The following SLC2A9 variants were observed in gnomAD, a reference collection of about 807,000 sequenced individuals.
SLC2A9 encodes solute carrier family 2 member 9.
SLC2A9 carries 39 observed loss-of-function variants against 50.6 expected under a neutral mutation model. The observed-to-expected ratio is 0.77, with a 90% CI of 0.60 to 1.01. SLC2A9 has a LOEUF of 1.01. Ranked by LOEUF, SLC2A9 falls within the 50% of genes least tolerant of loss-of-function variation. The pLI is 0.00. For missense variants in SLC2A9, 686 were observed against 677.6 expected, an observed-to-expected ratio of 1.01 and a Z score of -0.14; for synonymous variants, 324 against 276.9, an observed-to-expected ratio of 1.17 and a Z score of -1.69.
chr4:9,950,892 CAAAAAAAAAAAAAA>C lies in SLC2A9; in HGVS notation c.682-8861_682-8848del, dbSNP rs764863059. Among the ~76,000 whole-genome samples the C allele has an allele frequency of 6.9e-4, 8 of 11,546 alleles. 2 individuals carry two copies. Among genetic ancestry groups the C allele is most frequent in the African/African-American group, 9.4e-4 (3 of 3,204 alleles). The allele number at this position is 11,546 out of a possible 152,430, so 7.6% of individuals were successfully genotyped here. On this transcript the variant is annotated intron_variant, in intron 5 of 11. Transcript: ENST00000264784. ...TGGGCGACAGAGCGAGACTCCGTCTCAAAAAAAAAAAAAAAAAAAAAAAAAAAGAAAACAGTATG... is the reference window on the plus strand; with the variant it reads ...TGGGCGACAGAGCGAGACTCCGTCTCAAAAAAAAAAAAAGAAAACAGTATG...
At chr4:9,961,307 T>C (rs13121355) in intron 5 of SLC2A9, among the ~76,000 whole-genome samples, 11,101 of 152,176 alleles carry the variant, frequency 0.073, 874 homozygotes, top group East Asian at 0.46. Context: ...GGCTTCAAAC[T>C]ATACTACAAG....
At chr4:10,009,118 T>A (rs1189340200) in intron 2 of SLC2A9, among the ~76,000 whole-genome samples, 1 of 152,176 alleles carries the variant, frequency 6.6e-6, no homozygotes, top group Non-Finnish European at 1.5e-5. Context: ...CACCAAAGTC[T>A]TGAGCCCTGC....
intron 2 of SLC2A9, among the ~76,000 whole-genome samples, chr4:10,001,253 A>G (rs1653737581): frequency 6.6e-6 from 1 of 152,160 alleles, no homozygotes; most frequent in Non-Finnish European, 1.5e-5. Flanking sequence ...TACAAAGCAA[A>G]TAACATTAAA....
chr4:9,947,063 T>C (rs1749312598), intron 5 of SLC2A9, among the ~76,000 whole-genome samples: 1 of 152,210 alleles, frequency 6.6e-6, no homozygotes, highest in South Asian at 2.1e-4. Flanking sequence ...CTTCTCTATT[T>C]CTCTCCTCCT....
At chr4:9,823,666 C>G (rs111271664), downstream of SLC2A9, among the ~76,000 whole-genome samples, 5 of 152,106 alleles carry the variant, frequency 3.3e-5, no homozygotes, top group Non-Finnish European at 7.4e-5. Context: ...GAAAGAATAC[C>G]CCCTAGATTT....
intron 3 of SLC2A9, among the ~76,000 whole-genome samples, chr4:9,809,899 G>A (rs1722653905): frequency 1.3e-5 from 2 of 149,372 alleles, no homozygotes; most frequent in African/African-American, 4.9e-5. Context: ...TCAGGTCTCC[G>A]GTCTAGACAG....
At chr4:9,993,402 G>A (rs1758052494) in intron 3 of SLC2A9, among the ~76,000 whole-genome samples, 1 of 152,168 alleles carries the variant, frequency 6.6e-6, no homozygotes, top group South Asian at 2.1e-4. Flanking sequence ...TGATGATGAT[G>A]TTGATGATGA....
chr4:9,890,762 C>T, intron 8 of SLC2A9, 51 bp from the exon 9 acceptor site: 9 of 1,521,936 alleles, frequency 5.9e-6, no homozygotes, highest in Non-Finnish European at 8.2e-6. Context: ...TTTCTAACCA[C>T]AACAGGGGAA....
intron 10 of SLC2A9, among the ~76,000 whole-genome samples, chr4:9,870,813 G>T (rs1268878198): frequency 6.6e-6 from 1 of 152,224 alleles, no homozygotes; most frequent in Non-Finnish European, 1.5e-5. Flanking sequence ...GCTCCCTGGA[G>T]CTGTGGTGTC....
downstream of SLC2A9, among the ~76,000 whole-genome samples, chr4:9,794,123 T>C (rs1262784287): frequency 6.6e-6 from 1 of 152,174 alleles, no homozygotes; most frequent in African/African-American, 2.4e-5. Flanking sequence ...CACATTAGGA[T>C]TTGTGCAGAG....
chr4:9,838,550 A>G (rs1727470478), intron 10 of SLC2A9, among the ~76,000 whole-genome samples: 1 of 152,252 alleles, frequency 6.6e-6, no homozygotes. Context: ...TAGCCAAGGC[A>G]ATGCTAAGCA....
chr4:9,914,891 T>A (rs1742567480), intron 7 of SLC2A9, among the ~76,000 whole-genome samples: 1 of 152,174 alleles, frequency 6.6e-6, no homozygotes, highest in South Asian at 2.1e-4. Context: ...GCATACAAAG[T>A]AAGGACTCAA....
intron 3 of SLC2A9, among the ~76,000 whole-genome samples, chr4:9,809,180 C>G (rs1048001853): frequency 6.6e-6 from 1 of 152,064 alleles, no homozygotes; most frequent in South Asian, 2.1e-4. Context: ...ATGTCAGACT[C>G]GATTTTTAAT....
chr4:9,817,565 CAT>C (rs149777771), intron 3 of SLC2A9, among the ~76,000 whole-genome samples: 22 of 152,336 alleles, frequency 1.4e-4, no homozygotes, highest in African/African-American at 5.3e-4. Context: ...CATCCACTCA[CAT>C]AGTCACATTT....
At chr4:9,949,091 T>C (rs1028032276) in intron 5 of SLC2A9, among the ~76,000 whole-genome samples, 1 of 152,210 alleles carries the variant, frequency 6.6e-6, no homozygotes, top group African/African-American at 2.4e-5. Context: ...CTTATAGCAT[T>C]CCCTCCCGTG....
At chr4:10,025,638 A>G (rs376494731), upstream of SLC2A9, 25 of 468,528 alleles carry the variant, frequency 5.3e-5, no homozygotes, top group African/African-American at 2.9e-4. Context: ...TTGTTGAGAA[A>G]TGACCTTTGT....
intron 3 of SLC2A9, chr4:9,781,777 G>T (rs1177934868): frequency 4.9e-6 from 2 of 407,330 alleles, no homozygotes; most frequent in South Asian, 1.1e-4. Flanking sequence ...CTGTCAGCGA[G>T]CACCAGCCGC....
intron 3 of SLC2A9, among the ~76,000 whole-genome samples, chr4:9,819,116 CAAA>C (rs60751108): frequency 3.2e-3 from 183 of 57,368 alleles, no homozygotes; most frequent in African/African-American, 9.1e-3. Flanking sequence ...GAGACTGTCT[CAAA>C]AAAAAAAAAA....
At chr4:9,919,169 G>C (rs1298794558) in intron 7 of SLC2A9, among the ~76,000 whole-genome samples, 1 of 152,126 alleles carries the variant, frequency 6.6e-6, no homozygotes, top group Non-Finnish European at 1.5e-5. Context: ...AGAACAAGCA[G>C]CGCCTCCTTC....
Sources: allele counts gnomAD v4.1 joint callset (sites outside exome capture counted in the v4.1 genomes callset), GRCh38; gene constraint gnomAD v4.1.1; transcripts MANE v1.5; gene names NCBI Gene and HGNC (gene_info 2026-07-23, HGNC 2026-07-21).